The following EML1 variants were observed in gnomAD, a reference collection of about 807,000 sequenced individuals.
EML1 encodes the protein EMAP like 1.
In EML1, 27 loss-of-function variants were observed where a neutral mutation model predicts 110.4. That is an observed-to-expected ratio of 0.24 (90% CI 0.18 to 0.34). EML1 has a LOEUF of 0.34. EML1 is among the 10% of genes least tolerant of loss of function. EML1 has a pLI of 1.00. For missense variants in EML1, 741 were observed against 1,030.9 expected (o/e 0.72, Z 3.85); for synonymous variants, 344 against 385.8 (o/e 0.89, Z 1.27).
chr14:99,932,070 TG>T (rs1436859403), intron 17 of EML1, among the ~76,000 whole-genome samples: 1 of 152,030 alleles, frequency 6.6e-6, no homozygotes, highest in African/African-American at 2.4e-5. Flanking sequence ...CGTGGAAACC[TG>T]GGTGGGGTGG....
intron 1 of EML1, among the ~76,000 whole-genome samples, chr14:99,744,644 G>A (rs186692465): frequency 4.6e-5 from 7 of 152,298 alleles, no homozygotes; most frequent in Admixed American, 2.6e-4. Context: ...TGTAAATCAT[G>A]TGATTTCCAA....
upstream of EML1, chr14:99,772,936 T>C (rs989000034): frequency 1.3e-5 from 2 of 152,126 alleles, no homozygotes; most frequent in Non-Finnish European, 2.9e-5. Flanking sequence ...TACAAGAATT[T>C]CTCCCTTCCC....
chr14:99,796,636 C>T (rs1487230578), intron 1 of EML1, among the ~76,000 whole-genome samples: 3 of 150,222 alleles, frequency 2.0e-5, no homozygotes, highest in Non-Finnish European at 4.4e-5. Context: ...ACTACAGGTG[C>T]GTGCTATCAT....
chr14:99,833,782 C>G (rs1203689255), intron 1 of EML1, among the ~76,000 whole-genome samples: 3 of 152,002 alleles, frequency 2.0e-5, no homozygotes, highest in South Asian at 2.1e-4. Context: ...GTAAATAGTC[C>G]CAATTGTTTG....
intron 1 of EML1, among the ~76,000 whole-genome samples, chr14:99,821,085 C>G (rs1221049594): frequency 6.7e-6 from 1 of 149,568 alleles, no homozygotes; most frequent in Non-Finnish European, 1.5e-5. Context: ...TGCAGTGACA[C>G]GGTCATAGCT....
chr14:99,841,411 A>G (rs1362611285), intron 1 of EML1, among the ~76,000 whole-genome samples: 1 of 152,186 alleles, frequency 6.6e-6, no homozygotes, highest in Non-Finnish European at 1.5e-5. Flanking sequence ...AGTTTCATAC[A>G]CGCTAACATT....
intron 1 of EML1, among the ~76,000 whole-genome samples, chr14:99,849,060 A>G (rs1380811015): frequency 6.6e-6 from 1 of 152,280 alleles, no homozygotes; most frequent in South Asian, 2.1e-4. Flanking sequence ...TATCATTTCC[A>G]GTGCTCTTCA....
At chr14:99,876,635 A>G (rs1001993009) in intron 3 of EML1, among the ~76,000 whole-genome samples, 1 of 152,014 alleles carries the variant, frequency 6.6e-6, no homozygotes, top group Admixed American at 6.6e-5. Flanking sequence ...GTCTGTCCTG[A>G]GCTGTCTCGC....
At chr14:99,915,054 A>T in intron 15 of EML1, 1 of 305,100 alleles carries the variant, frequency 3.3e-6, no homozygotes, top group South Asian at 3.0e-5. Context: ...GGGAATTTAC[A>T]AGCTGTACTA....
chr14:99,881,879 G>A (rs1315026210), intron 4 of EML1, among the ~76,000 whole-genome samples: 14 of 152,148 alleles, frequency 9.2e-5, no homozygotes, highest in African/African-American at 2.2e-4. Flanking sequence ...GATTACAGGC[G>A]TGAGCCACCG....
chr14:99,740,292 A>G (rs2057027096), intron 1 of EML1, among the ~76,000 whole-genome samples: 1 of 152,176 alleles, frequency 6.6e-6, no homozygotes, highest in African/African-American at 2.4e-5. Context: ...CCAGTTCCTC[A>G]GACCCTGTTA....
At chr14:99,920,366 G>A (rs921478774) in intron 16 of EML1, among the ~76,000 whole-genome samples, 9 of 152,130 alleles carry the variant, frequency 5.9e-5, no homozygotes, top group Non-Finnish European at 1.0e-4. Context: ...CACCACCCCG[G>A]AGTTGTCCCA....
intron 2 of EML1, among the ~76,000 whole-genome samples, chr14:99,864,450 A>C (rs1339712667): frequency 1.3e-5 from 2 of 152,158 alleles, no homozygotes; most frequent in African/African-American, 4.8e-5. Context: ...TTGCATTTTA[A>C]ATTTAGGTTT....
intron 4 of EML1, among the ~76,000 whole-genome samples, chr14:99,884,123 G>A (rs545207136): frequency 1.3e-5 from 2 of 152,316 alleles, no homozygotes; most frequent in African/African-American, 2.4e-5. Flanking sequence ...ATGCATAGGA[G>A]CCTCAGTGCA....
chr14:99,840,606 C>G (rs2058617669), intron 1 of EML1, among the ~76,000 whole-genome samples: 1 of 152,192 alleles, frequency 6.6e-6, no homozygotes. Flanking sequence ...CTATCATTAT[C>G]TTAAATAATT....
rs950292116 is a variant in EML1, at chr14:99,911,086, C to T, written c.1340-336C>T. On this transcript the variant is annotated intron_variant, in intron 12 of 21. Transcript: ENST00000262233. The stretch of plus-strand genomic sequence containing the variant: ...AGGGTAAGCAGCAGCCCCATTCCAC[C>T]AAGGGGGAACTGAGGGTAGAGTAAC... Among the ~76,000 whole-genome samples the T allele has an allele frequency of 8.5e-5, 13 of 152,212 alleles. No individual in the cohort carries two copies. The East Asian group carries it at 1.9e-3, about 23-fold the overall frequency.
chr14:99,898,439 T>C, intron 8 of EML1, 137 bp downstream of exon 8: 1 of 805,878 alleles, frequency 1.2e-6, no homozygotes, highest in East Asian at 2.9e-5. Flanking sequence ...TCACTAGAAT[T>C]TTTTATTGTA....
At chr14:99,757,196 G>A (rs144523052) in intron 1 of EML1, among the ~76,000 whole-genome samples, 19 of 152,282 alleles carry the variant, frequency 1.2e-4, no homozygotes, top group East Asian at 7.7e-4. Context: ...AAAATTAGCT[G>A]GGTGTGGTGG....
chr14:99,812,776 T>A (rs1016138621), intron 1 of EML1, among the ~76,000 whole-genome samples: 1 of 152,172 alleles, frequency 6.6e-6, no homozygotes, highest in South Asian at 2.1e-4. Flanking sequence ...TGTTTGGAGT[T>A]CCCAGTGACT....
Sources: allele counts gnomAD v4.1 joint callset (sites outside exome capture counted in the v4.1 genomes callset), GRCh38; gene constraint gnomAD v4.1.1; transcripts MANE v1.5; gene names NCBI Gene and HGNC (gene_info 2026-07-23, HGNC 2026-07-21).